The following HGF variants were observed in gnomAD, a reference collection of about 807,000 sequenced individuals.
The protein encoded by HGF is hepatocyte growth factor, also known as fibroblast-derived tumor cytotoxic factor.
A neutral mutation model predicts 111.6 loss-of-function variants in HGF; 39 were observed. The ratio of observed to expected loss-of-function variants is 0.35; its 90% CI spans 0.27 to 0.46. HGF has a LOEUF of 0.46. HGF is among the 20% of genes least tolerant of loss of function. The pLI is 1.00. For missense variants in HGF, 735 were observed against 910.5 expected (o/e 0.81, Z 2.48); for synonymous variants, 285 against 294.8 (o/e 0.97, Z 0.34).
chr7:81,729,767 A>G lies in HGF; in HGVS notation c.878T>C (p.Met293Thr). 6.2e-7 allele frequency: 1 copy of G among 1,610,970 alleles called. No individual in the cohort carries two copies. Among genetic ancestry groups the G allele is most frequent in the Non-Finnish European group, 8.5e-7 (1 of 1,179,646 alleles). ...CAIKTCADNT[M>T]NDTDVPLETT... is the part of the protein sequence containing the mutation. ...TTCCAAAGGAACATCAGTGTCATTC[A>G]TAGTATTGTCAGCTATTGGCAAAAA... The change falls in exon 8 of 18, where the codon ATG (methionine) becomes ACG (threonine). Residue 293 changes from methionine to threonine, a missense_variant. Coordinates refer to ENST00000222390, the MANE Select transcript of HGF (RefSeq NM_000601.6).
chr7:81,718,772 ACCATGAAAATTT>A (rs1250386626), intron 10 of HGF, among the ~76,000 whole-genome samples: 1 of 152,150 alleles, frequency 6.6e-6, no homozygotes, highest in African/African-American at 2.4e-5. Flanking sequence ...AAATACTTCT[ACCATGAAAATTT>A]CAACCTTCTA....
intron 4 of HGF, chr7:81,756,413 G>T: frequency 4.6e-6 from 1 of 218,180 alleles, no homozygotes; most frequent in East Asian, 1.1e-4. Flanking sequence ...AAAATTGTGT[G>T]TGAAATAAGC....
chr7:81,735,636 C>G (rs1390011290), intron 7 of HGF, among the ~76,000 whole-genome samples: 1 of 152,018 alleles, frequency 6.6e-6, no homozygotes, highest in Non-Finnish European at 1.5e-5. Flanking sequence ...TGTCCATGTT[C>G]ATTGGTTACT....
chr7:81,729,975 A>G (rs1218263149), intron 7 of HGF, among the ~76,000 whole-genome samples, 196 bp from the exon 8 acceptor site: 1 of 152,028 alleles, frequency 6.6e-6, no homozygotes, highest in Non-Finnish European at 1.5e-5. Context: ...TTTCATTCAA[A>G]TCCTAAATTA....
At chr7:81,720,998 C>CA (rs1428631537) in intron 9 of HGF, 151 bp from the exon 10 acceptor site, 7 of 618,946 alleles carry the variant, frequency 1.1e-5, no homozygotes, top group Non-Finnish European at 2.0e-5. Flanking sequence ...GTAATCCCAG[C>CA]ACTTTGGGAG....
At chr7:81,709,882 C>T (rs1054009965) in intron 13 of HGF, among the ~76,000 whole-genome samples, 19 of 152,078 alleles carry the variant, frequency 1.2e-4, no homozygotes, top group African/African-American at 4.1e-4. Flanking sequence ...TTAATCGGAA[C>T]CAAAGTGTCT....
At position 81,702,018 on chromosome 7, in the gene HGF, G is replaced by A. The variant is rs1371512555; in HGVS notation, c.*563C>T. ...TTTAAACTGTAGTGCATGCACATGT[G>A]TACCTAGGCATGTGTACATGGGTAT... On this transcript the variant is annotated 3_prime_UTR_variant, in exon 18 of 18. Transcript: ENST00000222390. 2 of 177,592 alleles carry A rather than the reference G, an allele frequency of 1.1e-5. No individual in the cohort carries two copies. The highest frequency in any genetic ancestry group is 2.4e-5 in the Non-Finnish European group (2 of 82,894). The allele number at this position is 177,592 out of a possible 1,614,324, so 11.0% of individuals were successfully genotyped here. A position where few individuals can be genotyped will look rare whatever the true frequency, so the allele number is the denominator to read the frequency against.
Position 81,717,078 on chromosome 7 carries a change from T to C in HGF, c.1405+154A>G, listed in dbSNP as rs532600349. 3.3e-5 allele frequency among the ~76,000 whole-genome samples: 5 copies of C among 152,238 alleles called. No homozygotes were observed. The East Asian group carries it at 9.6e-4, about 29-fold the overall frequency. The stretch of plus-strand genomic sequence containing the variant: ...AGAAAGAGAGACCATGTGGTGTGTC[T>C]GTGTGTGTGTTGTGTACATTTGTGT... On this transcript the variant is annotated intron_variant, in intron 11 of 17. Transcript: ENST00000222390.
intron 5 of HGF, chr7:81,750,935 G>T: frequency 2.2e-6 from 2 of 914,702 alleles, no homozygotes; most frequent in Non-Finnish European, 2.6e-6. Flanking sequence ...TAAAAGAAAA[G>T]AAAACAATGA....
intron 8 of HGF, among the ~76,000 whole-genome samples, chr7:81,726,935 A>G (rs1790027589): frequency 6.6e-6 from 1 of 151,992 alleles, no homozygotes; most frequent in African/African-American, 2.4e-5. Context: ...AACTATATTA[A>G]TATTCAATCT....
rs1182572098 is a variant in HGF at position 81,699,696 on chromosome 7, T to C, written c.*2885A>G. The C allele has an allele frequency of 6.6e-6, 1 of 151,716 alleles. No individual in the cohort carries two copies. Among genetic ancestry groups the C allele is most frequent in the Non-Finnish European group, 1.5e-5 (1 of 67,720 alleles). The allele number at this position is 151,716 out of a possible 1,614,324, so 9.4% of individuals were successfully genotyped here. ...GTTCTTTTCAAGAGAATGTTGTGGC[T>C]ATAACATTCACTTTGTACAGTACCA... On this transcript the variant is annotated 3_prime_UTR_variant, in exon 18 of 18. Coordinates refer to ENST00000222390, the MANE Select transcript of HGF (RefSeq NM_000601.6).
intron 13 of HGF, among the ~76,000 whole-genome samples, chr7:81,708,161 GACCACAGTTATTTATGGCCTTT>G (rs1208700589): frequency 6.6e-6 from 1 of 152,090 alleles, no homozygotes; most frequent in Non-Finnish European, 1.5e-5. Context: ...CCCAGACTGA[GACCACAGTTATTTATGGCCTTT>G]ACCACACAGG....
chr7:81,709,966 C>T (rs958881646), intron 13 of HGF, among the ~76,000 whole-genome samples, 181 bp downstream of exon 13: 1 of 152,108 alleles, frequency 6.6e-6, no homozygotes, highest in Admixed American at 6.6e-5. Context: ...TCTGGAGGCA[C>T]AAATTATAGT....
chr7:81,702,852 A>G, intron 17 of HGF, 95 bp from the exon 18 acceptor site: 1 of 1,018,378 alleles, frequency 9.8e-7, no homozygotes, highest in Non-Finnish European at 1.5e-6. Context: ...AGAGATATAT[A>G]CAGAAAAAGA....
chr7:81,708,196 G>A (rs1348118351), intron 13 of HGF, among the ~76,000 whole-genome samples: 1 of 152,046 alleles, frequency 6.6e-6, no homozygotes. Context: ...CACACAGGAG[G>A]ATAAGAATAT....
intron 1 of HGF, among the ~76,000 whole-genome samples, chr7:81,764,085 G>C (rs1789234055): frequency 6.6e-6 from 1 of 152,080 alleles, no homozygotes; most frequent in South Asian, 2.1e-4. Context: ...ATACATTCCT[G>C]ATCTGAATCT....
intron 7 of HGF, among the ~76,000 whole-genome samples, chr7:81,730,895 A>T (rs550512849): frequency 1.3e-5 from 2 of 152,306 alleles, no homozygotes; most frequent in South Asian, 4.1e-4. Context: ...ATTTGAGTAA[A>T]TTTCATTGAT....
At chr7:81,735,650 G>T (rs1167688035) in intron 7 of HGF, among the ~76,000 whole-genome samples, 1 of 151,972 alleles carries the variant, frequency 6.6e-6, no homozygotes, top group Admixed American at 6.6e-5. Flanking sequence ...GGTTACTAAG[G>T]GAAAGGATTT....
At chr7:81,740,620 A>G (rs1376802653) in intron 7 of HGF, among the ~76,000 whole-genome samples, 13 of 152,210 alleles carry the variant, frequency 8.5e-5, no homozygotes, top group Admixed American at 8.5e-4. Context: ...TTTAAAAGAG[A>G]GTCTGGAGGT....
Sources: gnomAD v4.1 joint callset for allele counts (sites outside exome capture counted in the v4.1 genomes callset) on GRCh38, gnomAD v4.1.1 for gene constraint, MANE v1.5 for transcripts, NCBI Gene and HGNC (gene_info 2026-07-23, HGNC 2026-07-21) for gene names.